TOR1A: variants seen among roughly 807,000 people sequenced by gnomAD.
TOR1A encodes the protein torsin-1A.
Under a neutral mutation model 31.4 loss-of-function variants are expected in TOR1A, and 18 were observed. That is an observed-to-expected ratio of 0.57 (90% CI 0.40 to 0.85). The LOEUF (loss-of-function observed/expected upper bound fraction) is 0.85. TOR1A is among the 40% of genes least tolerant of loss of function. The pLI, the probability that TOR1A is intolerant of heterozygous loss-of-function variation, is 0.00. For synonymous variants in TOR1A, 168 were observed against 165.9 expected (o/e 1.01, Z -0.10); for missense variants, 375 against 416.4 (o/e 0.90, Z 0.87).
chr9:129,822,494 A>C, intron 2 of TOR1A, 87 bp downstream of exon 2: 2 of 1,568,676 alleles, frequency 1.3e-6, no homozygotes, highest in Non-Finnish European at 8.7e-7. Context: ...CACTCATTTC[A>C]ACATAGAACT....
At position 129,813,602 on chromosome 9, in the gene TOR1A, A is replaced by G; in HGVS notation, c.*370T>C. The G allele has an allele frequency of 2.8e-6, 1 of 354,948 alleles. No homozygotes were observed. The highest frequency in any genetic ancestry group is 5.3e-6 in the Non-Finnish European group (1 of 187,332). The allele number at this position is 354,948 out of a possible 1,614,324, so 22.0% of individuals were successfully genotyped here. A position where few individuals can be genotyped will look rare whatever the true frequency, so the allele number is the denominator to read the frequency against. On this transcript the variant is annotated 3_prime_UTR_variant, in exon 5 of 5. Transcript: ENST00000351698. The stretch of plus-strand genomic sequence containing the variant: ...ACTTAGAATCTGAGCAGTCTCTCAT[A>G]ATGTTAAAAATCATTTTAAATAAAG...
chr9:129,814,309 A>G (rs1453337676), intron 4 of TOR1A, 87 bp from the exon 5 acceptor site: 7 of 1,599,706 alleles, frequency 4.4e-6, no homozygotes, highest in Non-Finnish European at 6.0e-6. Context: ...CTACCCTCCC[A>G]TCCGTCCCAC....
In TOR1A at chr9:129,818,942, C is replaced by T. The variant is rs10988526; in HGVS notation, c.445-22G>A. ...GATCCTGAATTAAAAGGGGAAAAAG[C>T]GAACACAAAGTTCTCAGCCAGGGCC... On this transcript the variant is annotated intron_variant, in intron 2 of 4. Transcript: ENST00000351698. The T allele has an allele frequency of 0.011, 18,019 of 1,609,036 alleles. 130 individuals are homozygous for T. Among genetic ancestry groups the T allele is most frequent in the East Asian group, 0.016 (724 of 44,872 alleles).
Position 129,813,374 on chromosome 9 carries a change from C to G in TOR1A, c.*598G>C, listed in dbSNP as rs751582283. ...GTCCTCTTACCTACTTGTCCTTCAC[C>G]TAAACACTTCACTGCCCCTGGCAGC... On this transcript the variant is annotated 3_prime_UTR_variant, in exon 5 of 5. Coordinates refer to ENST00000351698, the MANE Select transcript of TOR1A (RefSeq NM_000113.3). 5 of 173,834 alleles carry G rather than the reference C, an allele frequency of 2.9e-5. No individual in the cohort carries two copies. Among genetic ancestry groups the G allele is most frequent in the Non-Finnish European group, 4.9e-5 (4 of 81,080 alleles). 10.8% of individuals were successfully genotyped at this position (173,834 alleles called of 1,614,324 possible).
rs1427197065 is a variant in TOR1A at position 129,823,900 on chromosome 9, C to T, written c.178+8G>A. 1.3e-6 allele frequency: 2 copies of T among 1,568,932 alleles called. No homozygotes were observed. The highest frequency in any genetic ancestry group is 3.7e-5 in the Admixed American group (2 of 53,994). ...CAGCCCCAGCCTCCAGCCCCCGCCC[C>T]AGCCTACCCTCCCGGCTAAGGCTCC... On this transcript the variant is annotated splice_region_variant and intron_variant, in intron 1 of 4. Coordinates refer to ENST00000351698, the MANE Select transcript of TOR1A (RefSeq NM_000113.3).
chr9:129,818,290 A>C (rs2031091204), intron 4 of TOR1A: 2 of 633,556 alleles, frequency 3.2e-6, no homozygotes, highest in South Asian at 3.7e-5. Flanking sequence ...GTGACAGAGT[A>C]AAACTATCTG....
intron 4 of TOR1A, among the ~76,000 whole-genome samples, chr9:129,816,130 C>T (rs918520252): frequency 1.3e-5 from 2 of 152,182 alleles, no homozygotes; most frequent in Non-Finnish European, 2.9e-5. Flanking sequence ...CGTTTCCCTC[C>T]TCTGTTTATC....
chr9:129,818,827 T>A lies in TOR1A; in HGVS notation c.538A>T (p.Ile180Leu), dbSNP rs2031107822. 3.7e-6 allele frequency: 6 copies of A among 1,613,838 alleles called. No homozygotes were observed. Among genetic ancestry groups the A allele is most frequent in the Non-Finnish European group, 5.1e-6 (6 of 1,180,046 alleles). The part of the protein sequence containing the change: ...DEMDKMHAGL[I>L]DAIKPFLDYY... ...TCGAGGAAAGGCTTGATGGCATCTATGAGGCCTGCATGCATCTTATCCATT... is the reference window on the plus strand; with the variant it reads ...TCGAGGAAAGGCTTGATGGCATCTAAGAGGCCTGCATGCATCTTATCCATT... Residue 180 changes from isoleucine (I) to leucine (L), a missense_variant, in exon 3 of 5, where the codon ATA becomes TTA. Ile to Leu is a conservative substitution (Grantham distance 5). Transcript: ENST00000351698.
Position 129,824,000 on chromosome 9 carries a change from G to T in TOR1A, c.86C>A (p.Ala29Asp). 1 of 1,610,970 alleles carries T rather than the reference G, an allele frequency of 6.2e-7. No individual in the cohort carries two copies. Among genetic ancestry groups the T allele is most frequent in the Non-Finnish European group, 8.5e-7 (1 of 1,179,490 alleles). ...QAVEPISLGL[A>D]LAGVLTGYIY... is the part of the protein sequence containing the mutation. ...GTAGCCGGTGAGGACGCCGGCCAGG[G>T]CCAGTCCCAGGCTGATGGGCTCCAC... Residue 29 changes from alanine to aspartate, a missense_variant, in exon 1 of 5, where the codon GCC (alanine) becomes GAC (aspartate). Coordinates refer to ENST00000351698, the MANE Select transcript of TOR1A (RefSeq NM_000113.3).
intron 4 of TOR1A, among the ~76,000 whole-genome samples, chr9:129,815,613 C>T (rs537416000): frequency 6.6e-6 from 1 of 152,336 alleles, no homozygotes; most frequent in Admixed American, 6.5e-5. Flanking sequence ...TGACCTCAGG[C>T]AGCCCTGAGA....
At position 129,822,723 on chromosome 9, in the gene TOR1A, T is replaced by C. The variant is rs1303220285; in HGVS notation, c.302A>G (p.His101Arg). Residue 101 changes from histidine to arginine, a missense_variant, in exon 2 of 5, where the codon CAC becomes CGC. Coordinates refer to ENST00000351698, the MANE Select transcript of TOR1A (RefSeq NM_000113.3). ...KPKKPLTLSL[H>R]GWTGTGKNFV... ...ATTTTTGCCGGTGCCTGTCCACCCG[T>C]GCAGGGAGAGCGTGAGAGGTTTCTT... 2 of 1,614,222 alleles carry C rather than the reference T, an allele frequency of 1.2e-6. No homozygotes were observed. Among genetic ancestry groups the C allele is most frequent in the Non-Finnish European group, 1.7e-6 (2 of 1,180,032 alleles).
chr9:129,822,542 G>A lies in TOR1A; in HGVS notation c.444+39C>T, dbSNP rs377657627. On this transcript the variant is annotated intron_variant, in intron 2 of 4. Transcript: ENST00000351698. The stretch of plus-strand genomic sequence containing the variant: ...CCCACAACAAAGAGACCCCAAACCC[G>A]ATGACATCCAGGAAGGGATTCCAAA... 63 of 1,613,312 alleles carry A rather than the reference G, an allele frequency of 3.9e-5. 1 individual carries two copies. The East Asian group carries it at 5.8e-4, about 15-fold the overall frequency.
chr9:129,817,237 C>T (rs959038374), intron 4 of TOR1A, among the ~76,000 whole-genome samples: 21 of 152,270 alleles, frequency 1.4e-4, no homozygotes, highest in South Asian at 6.2e-4. Context: ...CTGTTTCACA[C>T]GGTGCCCAGT....
At chr9:129,816,698 G>A (rs536385082) in intron 4 of TOR1A, among the ~76,000 whole-genome samples, 43 of 152,306 alleles carry the variant, frequency 2.8e-4, no homozygotes, top group African/African-American at 1.0e-3. Flanking sequence ...CCTAAGCACC[G>A]TGTAACCTCC....
rs982557577 is a variant in TOR1A, at chr9:129,813,733, G to T, written c.*239C>A. On this transcript the variant is annotated 3_prime_UTR_variant, in exon 5 of 5. Coordinates refer to ENST00000351698, the MANE Select transcript of TOR1A (RefSeq NM_000113.3). ...ATGAGCCCTGCGATGAGTGGGCTGGGAGCTGGCTCCTTCCTTCTGTGCGTG... is the reference window on the plus strand; with the variant it reads ...ATGAGCCCTGCGATGAGTGGGCTGGTAGCTGGCTCCTTCCTTCTGTGCGTG... 10 of 600,652 alleles carry T rather than the reference G, an allele frequency of 1.7e-5. No homozygotes were observed. Among genetic ancestry groups the T allele is most frequent in the Admixed American group, 5.8e-5 (2 of 34,238 alleles). 37.2% of individuals were successfully genotyped at this position (600,652 alleles called of 1,614,324 possible). A position where few individuals can be genotyped will look rare whatever the true frequency, so the allele number is the denominator to read the frequency against.
chr9:129,817,501 C>T (rs1025046204), intron 4 of TOR1A, among the ~76,000 whole-genome samples: 1 of 151,262 alleles, frequency 6.6e-6, no homozygotes, highest in Non-Finnish European at 1.5e-5. Flanking sequence ...GAGATAAGAC[C>T]ATCCTGGCTA....
intron 2 of TOR1A, among the ~76,000 whole-genome samples, chr9:129,820,146 C>G (rs117279078): frequency 2.0e-5 from 3 of 150,508 alleles, no homozygotes; most frequent in Admixed American, 6.6e-5. Flanking sequence ...TTTTTTTTGA[C>G]AGTCTCGCTC....
chr9:129,822,913 C>G (rs923545654), intron 1 of TOR1A, 67 bp from the exon 2 acceptor site: 10 of 1,611,420 alleles, frequency 6.2e-6, no homozygotes, highest in East Asian at 4.5e-5. Context: ...CATTTACAGC[C>G]CATAAGAAAG....
At chr9:129,819,931 A>T (rs921489858) in intron 2 of TOR1A, among the ~76,000 whole-genome samples, 11 of 132,156 alleles carry the variant, frequency 8.3e-5, no homozygotes, top group African/African-American at 1.8e-4. Flanking sequence ...ACTCCGTCTC[A>T]AAAAAAAAAA....
Sources: allele counts gnomAD v4.1 joint callset (sites outside exome capture counted in the v4.1 genomes callset), GRCh38; gene constraint gnomAD v4.1.1; transcripts MANE v1.5; gene names NCBI Gene and HGNC (gene_info 2026-07-23, HGNC 2026-07-21).